The following RARB variants were observed in gnomAD, a reference collection of about 807,000 sequenced individuals.
RARB encodes retinoic acid receptor beta.
Under a neutral mutation model 51.9 loss-of-function variants are expected in RARB, and 17 were observed. That is an observed-to-expected ratio of 0.33 (90% CI 0.22 to 0.49). The LOEUF is 0.49. Among genes scored for constraint, RARB ranks in the 20% least tolerant of loss-of-function variants. RARB has a pLI of 0.99. For synonymous variants in RARB, 215 were observed against 195.4 expected, an observed-to-expected ratio of 1.10 and a Z score of -0.84; for missense variants, 369 against 550.8, an observed-to-expected ratio of 0.67 and a Z score of 3.30.
chr3:25,437,386 G>A (rs756093921), intron 1 of RARB, among the ~76,000 whole-genome samples: 2 of 152,112 alleles, frequency 1.3e-5, no homozygotes, highest in Non-Finnish European at 2.9e-5. Flanking sequence ...ATTGCTCATT[G>A]ATGGATTAGT....
chr3:25,161,357 T>C (rs990596502), intron 4 of RARB, among the ~76,000 whole-genome samples: 1 of 152,068 alleles, frequency 6.6e-6, no homozygotes, highest in Non-Finnish European at 1.5e-5. Context: ...GATGTCAAGA[T>C]TCTTAACTTT....
At chr3:25,339,601 A>C (rs1318636842) in intron 5 of RARB, among the ~76,000 whole-genome samples, 1 of 148,090 alleles carries the variant, frequency 6.8e-6, no homozygotes, top group Non-Finnish European at 1.5e-5. Flanking sequence ...TTTTTTAATC[A>C]CACTGTTTGC....
chr3:25,543,369 C>G (rs1182321173), intron 3 of RARB, among the ~76,000 whole-genome samples: 2 of 152,180 alleles, frequency 1.3e-5, no homozygotes, highest in African/African-American at 2.4e-5. Context: ...CTCCCCCCAA[C>G]CAGTTCCTAC....
intron 2 of RARB, among the ~76,000 whole-genome samples, chr3:24,961,250 G>A (rs1696133374): frequency 6.6e-6 from 1 of 152,270 alleles, no homozygotes; most frequent in East Asian, 1.9e-4. Context: ...CATCTACTGT[G>A]CCAGGTACCC....
intron 2 of RARB, among the ~76,000 whole-genome samples, chr3:25,466,576 C>T (rs996156956): frequency 6.6e-6 from 1 of 152,174 alleles, no homozygotes; most frequent in Admixed American, 6.5e-5. Context: ...TAGTACTGTT[C>T]TTGTAGTGTT....
At chr3:24,862,509 T>G (rs1208470283) in intron 2 of RARB, among the ~76,000 whole-genome samples, 1 of 152,212 alleles carries the variant, frequency 6.6e-6, no homozygotes, top group Non-Finnish European at 1.5e-5. Context: ...TCCAATTGCC[T>G]GTGATTCTTA....
intron 2 of RARB, among the ~76,000 whole-genome samples, chr3:24,963,150 T>C (rs528843663): frequency 3.9e-5 from 6 of 152,246 alleles, no homozygotes; most frequent in African/African-American, 1.4e-4. Flanking sequence ...ACTGATTTGG[T>C]TTTGATGATG....
At chr3:25,325,649 C>T (rs1373476451) in intron 5 of RARB, among the ~76,000 whole-genome samples, 5 of 151,916 alleles carry the variant, frequency 3.3e-5, no homozygotes, top group Non-Finnish European at 7.4e-5. Context: ...AGTGCTTACT[C>T]GTGCTTGTCT....
chr3:25,238,085 G>T (rs1220185617), intron 5 of RARB, among the ~76,000 whole-genome samples: 1 of 151,870 alleles, frequency 6.6e-6, no homozygotes, highest in Non-Finnish European at 1.5e-5. Flanking sequence ...TCAAACATTA[G>T]AATTTATTCC....
chr3:25,038,724 T>C (rs1698054493), intron 2 of RARB, among the ~76,000 whole-genome samples: 1 of 152,164 alleles, frequency 6.6e-6, no homozygotes, highest in Non-Finnish European at 1.5e-5. Flanking sequence ...TTTCTTAACA[T>C]AATGAGACAG....
In RARB at chr3:25,557,271, A is replaced by C. The variant is rs1000840491; in HGVS notation, c.449-12487A>C. Among the ~76,000 whole-genome samples, 7 of 152,304 alleles carry C rather than the reference A, an allele frequency of 4.6e-5. No individual in the cohort carries two copies. The East Asian group carries it at 1.3e-3, about 29-fold the overall frequency. ...GTAGTAGCTCAATAACTATTAGTGGAATGAATAACTGAGTCTATTTCACAT... is the reference window on the plus strand; with the variant it reads ...GTAGTAGCTCAATAACTATTAGTGGCATGAATAACTGAGTCTATTTCACAT... On this transcript the variant is annotated intron_variant, in intron 3 of 7. Transcript: ENST00000330688.
chr3:25,008,520 A>C (rs956507360), intron 2 of RARB, among the ~76,000 whole-genome samples: 1 of 152,116 alleles, frequency 6.6e-6, no homozygotes. Flanking sequence ...AGTACTGCTT[A>C]GGAGTCTTTG....
At chr3:25,377,180 A>G (rs1470378521) in intron 5 of RARB, among the ~76,000 whole-genome samples, 4 of 152,142 alleles carry the variant, frequency 2.6e-5, no homozygotes, top group Admixed American at 1.3e-4. Context: ...TTCCTCTCAG[A>G]CATGCCGCAT....
intron 2 of RARB, among the ~76,000 whole-genome samples, chr3:24,919,340 A>T (rs1388396870): frequency 6.6e-6 from 1 of 152,102 alleles, no homozygotes; most frequent in African/African-American, 2.4e-5. Flanking sequence ...GTTCGGCCTA[A>T]AAGTTTCTCC....
At chr3:25,167,700 G>A (rs1198043125) in intron 4 of RARB, among the ~76,000 whole-genome samples, 2 of 152,198 alleles carry the variant, frequency 1.3e-5, no homozygotes, top group African/African-American at 4.8e-5. Flanking sequence ...AACTAAATCA[G>A]AGGGGTTACT....
At chr3:25,561,241 G>C (rs10510568) in intron 3 of RARB, among the ~76,000 whole-genome samples, 55,864 of 151,980 alleles carry the variant, frequency 0.37, 10,709 homozygotes, top group African/African-American at 0.49. Flanking sequence ...GGATCTTTGA[G>C]TGGTAGGAAT....
intron 2 of RARB, among the ~76,000 whole-genome samples, chr3:25,008,380 C>T (rs1302488295): frequency 3.3e-5 from 5 of 152,126 alleles, no homozygotes; most frequent in African/African-American, 7.2e-5. Flanking sequence ...ATTTATTTTG[C>T]CTGCTCACCT....
At chr3:25,402,715 T>A (rs979521820) in intron 5 of RARB, among the ~76,000 whole-genome samples, 1 of 152,084 alleles carries the variant, frequency 6.6e-6, no homozygotes, top group Non-Finnish European at 1.5e-5. Flanking sequence ...GAAAGACAAA[T>A]GTCGCATGTT....
At chr3:25,531,723 TA>T (rs5847361) in intron 3 of RARB, among the ~76,000 whole-genome samples, 19,126 of 134,384 alleles carry the variant, frequency 0.14, 1,503 homozygotes, top group African/African-American at 0.23. Flanking sequence ...ATAGACACTT[TA>T]AAAAAAAAAA....
Sources: allele counts gnomAD v4.1 joint callset (sites outside exome capture counted in the v4.1 genomes callset), GRCh38; gene constraint gnomAD v4.1.1; transcripts MANE v1.5; gene names NCBI Gene and HGNC (gene_info 2026-07-23, HGNC 2026-07-21).